MCF2L: variants seen among roughly 807,000 people sequenced by gnomAD.
MCF2L encodes the protein MCF.2 cell line derived transforming sequence like, also known as guanine nucleotide exchange factor DBS.
Under a neutral mutation model 153.4 loss-of-function variants are expected in MCF2L, and 97 were observed. That is an observed-to-expected ratio of 0.63 (90% CI 0.54 to 0.75). The LOEUF is 0.75. Among genes scored for constraint, MCF2L ranks in the 30% least tolerant of loss-of-function variants. The pLI, the probability that MCF2L is intolerant of heterozygous loss-of-function variation, is 0.00. For missense variants in MCF2L, 1,347 were observed against 1,495.2 expected, an observed-to-expected ratio of 0.90 and a Z score of 1.64; for synonymous variants, 659 against 632.2, an observed-to-expected ratio of 1.04 and a Z score of -0.64.
chr13:113,045,478 C>A lies in MCF2L; in HGVS notation c.369+117C>A. ...TGCTTTGTGCTGAGTGGGACAGAGCCCAGTCCCGGCGGGTGGAGGCCGGCG... is the reference window on the plus strand; with the variant it reads ...TGCTTTGTGCTGAGTGGGACAGAGCACAGTCCCGGCGGGTGGAGGCCGGCG... On this transcript the variant is annotated intron_variant, in intron 4 of 29. Coordinates refer to ENST00000535094, the MANE Select transcript of MCF2L (RefSeq NM_001112732.3). This position sits in a 1 kb window ranked among gnomAD's most constrained non-coding sequence, Gnocchi z 4.2. The A allele has an allele frequency of 1.1e-6, 1 of 933,656 alleles. No individual in the cohort carries two copies. Among genetic ancestry groups the A allele is most frequent in the Non-Finnish European group, 1.7e-6 (1 of 597,326 alleles). 57.8% of individuals were successfully genotyped at this position (933,656 alleles called of 1,614,324 possible).
intron 3 of MCF2L, among the ~76,000 whole-genome samples, chr13:113,030,338 G>A (rs566684406): frequency 9.5e-5 from 10 of 105,140 alleles, no homozygotes; most frequent in Middle Eastern, 4.7e-3. Context: ...GTCTGCCGAC[G>A]CCCGGTGTGG....
At chr13:113,056,824 G>A (rs199805423) in intron 4 of MCF2L, among the ~76,000 whole-genome samples, 43 of 142,404 alleles carry the variant, frequency 3.0e-4, no homozygotes, top group Non-Finnish European at 5.7e-4. Flanking sequence ...GGTGCTGAGT[G>A]TTTAGGTGCT....
chr13:113,051,118 C>T (rs1022529382), intron 4 of MCF2L, among the ~76,000 whole-genome samples: 9 of 152,210 alleles, frequency 5.9e-5, no homozygotes, highest in Admixed American at 6.5e-5. Flanking sequence ...AGCACAGTCC[C>T]CCCGTGGTGG....
At chr13:112,898,624 C>G (rs899485874) in intron 1 of MCF2L, among the ~76,000 whole-genome samples, 1 of 152,116 alleles carries the variant, frequency 6.6e-6, no homozygotes. Flanking sequence ...CCCCTGGGAC[C>G]GTCAGCACTT....
At chr13:113,063,185 G>A (rs757440116) in intron 5 of MCF2L, among the ~76,000 whole-genome samples, 5 of 152,222 alleles carry the variant, frequency 3.3e-5, no homozygotes, top group Non-Finnish European at 7.3e-5. Flanking sequence ...GCCCATTTAC[G>A]AAGGAGGCAG....
intron 2 of MCF2L, among the ~76,000 whole-genome samples, chr13:112,962,480 G>A (rs912774059): frequency 7.2e-5 from 11 of 152,330 alleles, no homozygotes; most frequent in African/African-American, 2.2e-4. Context: ...ATGGGGGTGG[G>A]CCTCACTTCT....
In MCF2L at chr13:113,066,145, C is replaced by G; in HGVS notation, c.856C>G (p.Leu286Val). The G allele has an allele frequency of 6.2e-7, 1 of 1,612,724 alleles. No individual in the cohort carries two copies. ...GSEPSVNQDQ[L>V]DNQATVQRLL... ...AGAGCCCAGTGTGAACCAGGACCAG[C>G]TTGACAACCAGGCCACCGTGCAGAG... The change falls in exon 8 of 30, where the codon CTT becomes GTT. Residue 286 changes from leucine to valine, a missense_variant. Leu to Val is a conservative substitution (Grantham distance 32). Coordinates refer to ENST00000535094, the MANE Select transcript of MCF2L (RefSeq NM_001112732.3).
rs191884553 is a variant in MCF2L at position 113,097,289 on chromosome 13, A to G, written c.*430A>G. ...CTTTTACAAGTTTTAGGATTTTTTC[A>G]AGCAGGGATCAATCCCGTGGCCATT... On this transcript the variant is annotated 3_prime_UTR_variant, in exon 30 of 30. Transcript: ENST00000535094. 2.0e-3 allele frequency: 336 copies of G among 164,430 alleles called. 2 individuals are homozygous for G. Among genetic ancestry groups the G allele is most frequent in the South Asian group, 5.0e-3 (25 of 4,960 alleles). The allele number at this position is 164,430 out of a possible 1,614,324, so 10.2% of individuals were successfully genotyped here.
chr13:112,958,980 G>A (rs1412196976), intron 2 of MCF2L, among the ~76,000 whole-genome samples: 2 of 152,218 alleles, frequency 1.3e-5, no homozygotes, highest in East Asian at 3.9e-4. Flanking sequence ...GGGTCCTGCA[G>A]GAAAAGCAGA....
intron 4 of MCF2L, among the ~76,000 whole-genome samples, chr13:113,049,539 C>T (rs1450356771): frequency 6.6e-6 from 1 of 152,222 alleles, no homozygotes; most frequent in Non-Finnish European, 1.5e-5. Flanking sequence ...GGCTCCAGGC[C>T]TTGACAGCGA....
intron 4 of MCF2L, among the ~76,000 whole-genome samples, chr13:113,059,717 C>T (rs2031049789): frequency 6.6e-6 from 1 of 152,212 alleles, no homozygotes; most frequent in Non-Finnish European, 1.5e-5. Flanking sequence ...CCGGTCTCCC[C>T]ACTTTCCCAA....
chr13:113,048,963 C>T (rs1466714731), intron 4 of MCF2L, among the ~76,000 whole-genome samples: 3 of 152,178 alleles, frequency 2.0e-5, no homozygotes, highest in East Asian at 1.9e-4. Context: ...CAGAGTTAGG[C>T]CCCACATGCC....
In MCF2L at chr13:113,045,247, G is replaced by A. The variant is rs550419171; in HGVS notation, c.279-24G>A. The A allele has an allele frequency of 9.4e-6, 15 of 1,593,264 alleles. No homozygotes were observed. Among genetic ancestry groups the A allele is most frequent in the South Asian group, 4.4e-5 (4 of 90,640 alleles). ...CGGCTTCCCACCTGCACACATTAAC[G>A]GCGGCGTCTCTTCCTCACTGCAGCC... On this transcript the variant is annotated intron_variant, in intron 3 of 29. Coordinates refer to ENST00000535094, the MANE Select transcript of MCF2L (RefSeq NM_001112732.3). This position sits in a 1 kb window ranked among gnomAD's most constrained non-coding sequence, Gnocchi z 4.2.
At position 113,060,657 on chromosome 13, in the gene MCF2L, C is replaced by G; in HGVS notation, c.434C>G (p.Thr145Ser). ...VLRPTGFFQR[T>S]LSDIAFKFNR... ...CGCCCGACGGGTTTTTTCCAAAGGA[C>G]TCTCTCCGACATCGCTTTCAAATTC... Residue 145 changes from threonine to serine, a missense_variant, in exon 5 of 30, where the codon ACT (threonine) becomes AGT (serine). Thr to Ser is a moderately conservative substitution (Grantham distance 58). This residue lies in a region of MCF2L where 820 missense variants were observed against 921.2 expected (regional missense o/e 0.89). Coordinates refer to ENST00000535094, the MANE Select transcript of MCF2L (RefSeq NM_001112732.3). The G allele has an allele frequency of 6.2e-7, 1 of 1,613,772 alleles. No individual in the cohort carries two copies. The highest frequency in any genetic ancestry group is 8.5e-7 in the Non-Finnish European group (1 of 1,179,980).
At chr13:113,001,276 C>T (rs1055998467) in intron 1 of MCF2L, 2 of 152,226 alleles carry the variant, frequency 1.3e-5, no homozygotes, top group African/African-American at 4.8e-5. Context: ...TTAAAAGGAA[C>T]TCAGTGACCA....
At chr13:112,959,823 C>T (rs1425641316) in intron 2 of MCF2L, among the ~76,000 whole-genome samples, 5 of 152,198 alleles carry the variant, frequency 3.3e-5, no homozygotes, top group Admixed American at 2.0e-4. Flanking sequence ...AGCAACGCAC[C>T]GGTGCTGGAA....
chr13:113,047,013 C>A (rs1209020948), intron 4 of MCF2L: 2 of 157,896 alleles, frequency 1.3e-5, no homozygotes, highest in Non-Finnish European at 2.8e-5. Context: ...TCTGAGGGGG[C>A]CTCAGGGAGC....
At chr13:112,984,878 C>A (rs2082573266) in intron 1 of MCF2L, among the ~76,000 whole-genome samples, 1 of 152,096 alleles carries the variant, frequency 6.6e-6, no homozygotes, top group Non-Finnish European at 1.5e-5. Flanking sequence ...TTCTGTCCAT[C>A]CCTCCAATTG....
At chr13:113,082,753 C>G (rs1056961264) in intron 17 of MCF2L, among the ~76,000 whole-genome samples, 2 of 152,116 alleles carry the variant, frequency 1.3e-5, no homozygotes, top group African/African-American at 4.8e-5. Flanking sequence ...TGGCCTGTGT[C>G]TAGGCAGCCA....
Sources: gnomAD v4.1 joint callset for allele counts (sites outside exome capture counted in the v4.1 genomes callset) on GRCh38, gnomAD v4.1.1 for gene constraint, gnomAD v4.1.1 regional missense constraint, Gnocchi (gnomAD v3.1) non-coding constraint, MANE v1.5 for transcripts, NCBI Gene and HGNC (gene_info 2026-07-23, HGNC 2026-07-21) for gene names.